SMAD6: variants seen among roughly 807,000 people sequenced by gnomAD.
SMAD6 encodes MAD homolog 6.
A neutral mutation model predicts 39.4 loss-of-function variants in SMAD6; 103 were observed. The observed-to-expected ratio is 2.62, with a 90% CI of 2.23 to 3.08. The LOEUF (loss-of-function observed/expected upper bound fraction) is 3.08, where lower values mean the gene tolerates loss of function less well. Ranked by LOEUF, SMAD6 falls within the 30% of genes most tolerant of loss-of-function variation. The pLI is 0.00. For missense variants in SMAD6, 1,104 were observed against 742.9 expected, an observed-to-expected ratio of 1.49 and a Z score of -5.65; for synonymous variants, 445 against 353.3, an observed-to-expected ratio of 1.26 and a Z score of -2.91.
chr15:66,708,195 T>A (rs1893157244), intron 1 of SMAD6: 1 of 153,166 alleles, frequency 6.5e-6, no homozygotes, highest in Non-Finnish European at 1.5e-5. Flanking sequence ...CAGAGGGGCC[T>A]GCGGTGCTCT....
At chr15:66,707,490 A>G (rs3809569) in intron 1 of SMAD6, 33,076 of 152,154 alleles carry the variant, frequency 0.22, 3,722 homozygotes, top group Middle Eastern at 0.34. Context: ...AATGAGATCA[A>G]TTTCAAGTTG....
At position 66,703,661 on chromosome 15, in the gene SMAD6, G is replaced by A; in HGVS notation, c.403G>A (p.Ala135Thr). The A allele has an allele frequency of 1.6e-6, 2 of 1,231,084 alleles. No homozygotes were observed. The highest frequency in any genetic ancestry group is 3.4e-5 in the East Asian group (1 of 29,632). 76.3% of individuals were successfully genotyped at this position (1,231,084 alleles called of 1,614,324 possible). A position where few individuals can be genotyped will look rare whatever the true frequency, so the allele number is the denominator to read the frequency against. ...TCCLFSERDA[A>T]GAPRDASDPL... ...CTGTCTCTTTTCGGAGCGGGACGCC[G>A]CCGGCGCGCCCCGGGACGCCAGCGA... Residue 135 changes from alanine to threonine, a missense_variant, in exon 1 of 4, where the codon GCC (alanine) becomes ACC (threonine). By Grantham distance (58) the Ala-to-Thr change is moderately conservative. Transcript: ENST00000288840.
At chr15:66,742,238 A>C (rs543003744) in intron 3 of SMAD6, among the ~76,000 whole-genome samples, 1 of 152,040 alleles carries the variant, frequency 6.6e-6, no homozygotes, top group Non-Finnish European at 1.5e-5. Context: ...TTCTCAGCCT[A>C]CTTCTCATGG....
At chr15:66,762,526 G>T (rs1011559487) in intron 3 of SMAD6, among the ~76,000 whole-genome samples, 3 of 152,160 alleles carry the variant, frequency 2.0e-5, no homozygotes, top group Non-Finnish European at 2.9e-5. Context: ...CCGTGGTGGG[G>T]TGGGAGCACT....
At chr15:66,755,533 G>A (rs1040216118) in intron 3 of SMAD6, among the ~76,000 whole-genome samples, 3 of 152,186 alleles carry the variant, frequency 2.0e-5, no homozygotes, top group African/African-American at 7.2e-5. Context: ...GGGACTGATG[G>A]AGGGAACCCT....
chr15:66,734,015 C>G (rs544953393), intron 3 of SMAD6, among the ~76,000 whole-genome samples: 1 of 152,200 alleles, frequency 6.6e-6, no homozygotes, highest in Non-Finnish European at 1.5e-5. Context: ...TGTGCCCGAG[C>G]TGGGGTCCTG....
intron 3 of SMAD6, among the ~76,000 whole-genome samples, chr15:66,771,985 G>A (rs1366852845): frequency 1.3e-5 from 2 of 152,050 alleles, no homozygotes; most frequent in African/African-American, 2.4e-5. Flanking sequence ...AAAGCCCACC[G>A]CCCTCCTAGG....
intron 1 of SMAD6, 187 bp downstream of exon 1, chr15:66,704,262 C>T: frequency 5.0e-6 from 2 of 402,164 alleles, no homozygotes; most frequent in Non-Finnish European, 4.4e-6. Flanking sequence ...GCACACACAT[C>T]AAGTGGCAAC....
chr15:66,781,557 C>T lies in SMAD6; in HGVS notation c.*22C>T, dbSNP rs770745119. 7 of 614,880 alleles carry T rather than the reference C, an allele frequency of 1.1e-5. No homozygotes were observed. Among genetic ancestry groups the T allele is most frequent in the South Asian group, 7.1e-5 (4 of 56,694 alleles). The allele number at this position is 614,880 out of a possible 1,614,324, so 38.1% of individuals were successfully genotyped here. On this transcript the variant is annotated 3_prime_UTR_variant, in exon 4 of 4. Coordinates refer to ENST00000288840, the MANE Select transcript of SMAD6 (RefSeq NM_005585.5). ...ATAGTGGCGGCCCCGGCGGGAGGGG[C>T]GGGTGGGAGGCCGCGGCCACCGCCA...
At chr15:66,779,861 T>C (rs559661418) in intron 3 of SMAD6, among the ~76,000 whole-genome samples, 1 of 152,232 alleles carries the variant, frequency 6.6e-6, no homozygotes, top group African/African-American at 2.4e-5. Flanking sequence ...TGGGCAGTTA[T>C]AGGTGCCTGC....
Position 66,702,436 on chromosome 15 carries a change from G to C in SMAD6, c.-823G>C, listed in dbSNP as rs1013474086. ...CCGGGAGGCACTTTTGTGGAGGGGG[G>C]AGGGGGGGCGACCTCGGCAGCCTCG... On this transcript the variant is annotated 5_prime_UTR_variant, in exon 1 of 4. Transcript: ENST00000288840. 6.6e-6 allele frequency: 1 copy of C among 152,000 alleles called. No individual in the cohort carries two copies. The highest frequency in any genetic ancestry group is 2.4e-5 in the African/African-American group (1 of 41,328). 9.4% of individuals were successfully genotyped at this position (152,000 alleles called of 1,614,324 possible).
At chr15:66,725,931 C>T (rs1314824355) in intron 3 of SMAD6, among the ~76,000 whole-genome samples, 2 of 152,210 alleles carry the variant, frequency 1.3e-5, no homozygotes, top group Non-Finnish European at 2.9e-5. Context: ...GGTTCTCCCC[C>T]ACCTGCCACC....
At position 66,703,489 on chromosome 15, in the gene SMAD6, CCAGGGCGCGGGGAGGCGCCGGCGCG is replaced by C. The variant is rs1893026198; in HGVS notation, c.237_261del (p.Gly81ProfsTer36). On this transcript the variant is annotated frameshift_variant, in exon 1 of 4. Transcript: ENST00000288840. LOFTEE classifies it high-confidence loss of function. ...GGGACGCAGTGGGACAGCGAGGCGC[CCAGGGCGCGGGGAGGCGCCGGCGCG>C]CAGGGGGCCCCCCGAGGCCCATGTC... 3 of 1,233,576 alleles carry C rather than the reference CCAGGGCGCGGGGAGGCGCCGGCGCG, an allele frequency of 2.4e-6. No homozygotes were observed. The highest frequency in any genetic ancestry group is 3.0e-6 in the Non-Finnish European group (3 of 984,502). 76.4% of individuals were successfully genotyped at this position (1,233,576 alleles called of 1,614,324 possible).
chr15:66,781,894 T>C lies in SMAD6; in HGVS notation c.*359T>C, dbSNP rs181406440. ...AAGAAAATGATACAGCAGAGCTAGG[T>C]GGAAAAGCCTGGGTTTGGTGTATGG... is the stretch of plus-strand genomic sequence containing the variant. On this transcript the variant is annotated 3_prime_UTR_variant, in exon 4 of 4. Transcript: ENST00000288840. The C allele has an allele frequency of 2.1e-4, 85 of 398,834 alleles. No individual in the cohort carries two copies. Among genetic ancestry groups the C allele is most frequent in the Non-Finnish European group, 3.4e-4 (76 of 226,030 alleles). 24.7% of individuals were successfully genotyped at this position (398,834 alleles called of 1,614,324 possible).
At chr15:66,762,550 A>G (rs1894219042) in intron 3 of SMAD6, among the ~76,000 whole-genome samples, 1 of 151,816 alleles carries the variant, frequency 6.6e-6, no homozygotes, top group Admixed American at 6.6e-5. Flanking sequence ...GGGAGGGGGC[A>G]CTTTGGGGGA....
intron 3 of SMAD6, among the ~76,000 whole-genome samples, chr15:66,756,904 C>T (rs1894110074): frequency 6.6e-6 from 1 of 152,248 alleles, no homozygotes; most frequent in African/African-American, 2.4e-5. Context: ...CCTTCCTCCT[C>T]CCCTACAGGG....
intron 3 of SMAD6, among the ~76,000 whole-genome samples, chr15:66,763,098 C>A (rs1331526896): frequency 6.6e-6 from 1 of 152,206 alleles, no homozygotes; most frequent in Non-Finnish European, 1.5e-5. Context: ...CAAGCAGCAG[C>A]AGGGACCCCT....
intron 3 of SMAD6, among the ~76,000 whole-genome samples, chr15:66,761,499 C>G (rs1894198328): frequency 6.6e-6 from 1 of 152,232 alleles, no homozygotes; most frequent in South Asian, 2.1e-4. Flanking sequence ...TCTCTCCCTT[C>G]TACCCACAAG....
At chr15:66,767,205 C>A (rs1034410299) in intron 3 of SMAD6, among the ~76,000 whole-genome samples, 1 of 152,204 alleles carries the variant, frequency 6.6e-6, no homozygotes, top group Non-Finnish European at 1.5e-5. Context: ...AAAACAAGGT[C>A]ATTTATGAAT....
Sources: gnomAD v4.1 joint callset for allele counts (sites outside exome capture counted in the v4.1 genomes callset) on GRCh38, gnomAD v4.1.1 for gene constraint, MANE v1.5 for transcripts, NCBI Gene and HGNC (gene_info 2026-07-23, HGNC 2026-07-21) for gene names.